ARHGEF10: variants seen among roughly 807,000 people sequenced by gnomAD.
ARHGEF10 encodes the protein Rho guanine nucleotide exchange factor 10, also known as Rho guanine nucleotide exchange factor (GEF) 10.
A neutral mutation model predicts 147.4 loss-of-function variants in ARHGEF10; 140 were observed. The observed-to-expected ratio is 0.95, with a 90% CI of 0.83 to 1.09. The LOEUF (loss-of-function observed/expected upper bound fraction) is 1.09. Among genes scored for constraint, ARHGEF10 ranks in the 50% least tolerant of loss-of-function variants. ARHGEF10 has a pLI of 0.00. For synonymous variants in ARHGEF10, 902 were observed against 695.8 expected (o/e 1.30, Z -4.67); for missense variants, 2,222 against 1,752.7 (o/e 1.27, Z -4.78).
chr8:1,881,855 G>C (rs140791979), intron 9 of ARHGEF10, among the ~76,000 whole-genome samples: 1 of 152,164 alleles, frequency 6.6e-6, no homozygotes, highest in Non-Finnish European at 1.5e-5. Context: ...TGGGGACATC[G>C]GTTGTCCCAT....
intron 7 of ARHGEF10, among the ~76,000 whole-genome samples, chr8:1,874,716 C>T (rs191113382): frequency 7.9e-5 from 12 of 151,438 alleles, no homozygotes; most frequent in Admixed American, 5.9e-4. Context: ...CAGACACACA[C>T]CGGGGTGTGT....
intron 26 of ARHGEF10, among the ~76,000 whole-genome samples, chr8:1,935,226 C>G (rs899973754): frequency 1.3e-5 from 2 of 152,116 alleles, no homozygotes; most frequent in Non-Finnish European, 2.9e-5. Flanking sequence ...CCACAACCCC[C>G]CATCAGCCCC....
At chr8:1,838,808 G>T (rs1563156279) in intron 1 of ARHGEF10, among the ~76,000 whole-genome samples, 3 of 152,208 alleles carry the variant, frequency 2.0e-5, no homozygotes, top group African/African-American at 4.8e-5. Context: ...AAGCTGTCTG[G>T]CGTGGATGCC....
chr8:1,850,428 A>G (rs543150600), intron 2 of ARHGEF10, among the ~76,000 whole-genome samples: 3 of 147,044 alleles, frequency 2.0e-5, no homozygotes, highest in Non-Finnish European at 3.0e-5. Context: ...GCGTGGACAC[A>G]GACGGCAAAT....
chr8:1,866,297 G>A (rs574714199), intron 5 of ARHGEF10, among the ~76,000 whole-genome samples: 19 of 152,336 alleles, frequency 1.2e-4, no homozygotes, highest in South Asian at 6.2e-4. Flanking sequence ...TGTGCCGTGC[G>A]TAGGCCAAAC....
intron 9 of ARHGEF10, among the ~76,000 whole-genome samples, chr8:1,882,431 G>A (rs1808281313): frequency 6.6e-6 from 1 of 152,180 alleles, no homozygotes; most frequent in Non-Finnish European, 1.5e-5. Context: ...GTTTCACCAT[G>A]TCCAGGAAGG....
upstream of ARHGEF10, among the ~76,000 whole-genome samples, chr8:1,823,634 C>G (rs994515455): frequency 1.3e-4 from 19 of 151,690 alleles, no homozygotes; most frequent in Middle Eastern, 3.4e-3. Context: ...GGGGAGGGCA[C>G]TCGGTCTGCC....
chr8:1,843,500 G>T, intron 2 of ARHGEF10, 64 bp downstream of exon 2: 1 of 1,256,252 alleles, frequency 8.0e-7, no homozygotes, highest in Non-Finnish European at 1.2e-6. Flanking sequence ...CAAGGACGGG[G>T]TACTTCTGGA....
At chr8:1,853,952 G>A (rs1412482827) in intron 2 of ARHGEF10, among the ~76,000 whole-genome samples, 1 of 152,236 alleles carries the variant, frequency 6.6e-6, no homozygotes, top group Non-Finnish European at 1.5e-5. Context: ...TGCACCTGCA[G>A]TCACCTGTTT....
rs779760750 is a variant in ARHGEF10, at chr8:1,948,689, GCCAGAGAGTCCTTTCCT to G, written c.3397+3050_3397+3066del. Among the ~76,000 whole-genome samples the G allele has an allele frequency of 2.6e-5, 4 of 152,196 alleles. No homozygotes were observed. The highest frequency in any genetic ancestry group is 5.9e-5 in the Non-Finnish European group (4 of 68,046). On this transcript the variant is annotated intron_variant, in intron 27 of 28. Coordinates refer to ENST00000349830, the MANE Select transcript of ARHGEF10 (RefSeq NM_014629.4). The surrounding 1 kb of genome is among the most constrained non-coding windows in gnomAD (Gnocchi z 4.9). ...TTTGTGACTCAGAGGGAATGAGCAG[GCCAGAGAGTCCTTTCCT>G]CCAGAGAGTCCTTTCATCTCATCTC... is the stretch of plus-strand genomic sequence containing the variant.
intron 1 of ARHGEF10, among the ~76,000 whole-genome samples, chr8:1,830,020 C>G (rs959271768): frequency 6.6e-6 from 1 of 152,152 alleles, no homozygotes; most frequent in Admixed American, 6.5e-5. Flanking sequence ...GTGCAGGCTC[C>G]GAAGTGCTCT....
intron 27 of ARHGEF10, among the ~76,000 whole-genome samples, chr8:1,950,642 C>T (rs1814956550): frequency 6.6e-6 from 1 of 151,920 alleles, no homozygotes; most frequent in Admixed American, 6.5e-5. Context: ...AAGCAATTCT[C>T]CTGCCTCAGC....
rs575299978 is a variant in ARHGEF10, at chr8:1,939,478, G to T, written c.3222+5536G>T. On this transcript the variant is annotated intron_variant, in intron 26 of 28. Coordinates refer to ENST00000349830, the MANE Select transcript of ARHGEF10 (RefSeq NM_014629.4). ...GTTTTGGGGGCAACACTCCCTCCAG[G>T]CCTCAGGCTGGCACAGTGAGCCGAA... 3.9e-5 allele frequency among the ~76,000 whole-genome samples: 6 copies of T among 152,324 alleles called. No individual in the cohort carries two copies. The East Asian group carries it at 9.7e-4, about 25-fold the overall frequency.
Position 1,888,182 on chromosome 8 carries a change from G to GC in ARHGEF10, c.1182+2475_1182+2476insC, listed in dbSNP as rs1808906068. Among the ~76,000 whole-genome samples the GC allele has an allele frequency of 8.9e-5, 6 of 67,726 alleles. 2 individuals are homozygous for GC. Among genetic ancestry groups the GC allele is most frequent in the African/African-American group, 6.8e-4 (6 of 8,854 alleles). The allele number at this position is 67,726 out of a possible 152,430, so 44.4% of individuals were successfully genotyped here. ...GGGTTGCGAGGAGACAGTGAGTGGG[G>GC]TGAGGGTTTGCGAGGAGACACTTAG... On this transcript the variant is annotated intron_variant, in intron 11 of 28. Transcript: ENST00000349830.
Position 1,923,489 on chromosome 8 carries a change from C to T in ARHGEF10, c.2281C>T (p.His761Tyr), listed in dbSNP as rs756901422. 2 of 1,613,928 alleles carry T rather than the reference C, an allele frequency of 1.2e-6. No individual in the cohort carries two copies. The highest frequency in any genetic ancestry group is 1.7e-6 in the Non-Finnish European group (2 of 1,180,018). ...NYQNLNQSVAHDWTSGLQRLI... is the reference protein window; with the variant it reads ...NYQNLNQSVAYDWTSGLQRLI... Reference sequence around the variant, plus strand: ...GTAGAACTTAAACCAGTCAGTAGCCCATGACTGGACATCAGGTTTACAAAG... The same window carrying T: ...GTAGAACTTAAACCAGTCAGTAGCCTATGACTGGACATCAGGTTTACAAAG... The change falls in exon 20 of 29, where the codon CAT (histidine) becomes TAT (tyrosine). Residue 761 changes from histidine to tyrosine, a missense_variant. Coordinates refer to ENST00000349830, the MANE Select transcript of ARHGEF10 (RefSeq NM_014629.4).
At chr8:1,930,346 T>C (rs1182038177) in intron 25 of ARHGEF10, among the ~76,000 whole-genome samples, 1 of 151,474 alleles carries the variant, frequency 6.6e-6, no homozygotes, top group Non-Finnish European at 1.5e-5. Context: ...CCCAGCTCAC[T>C]CCCCCATCAT....
intron 26 of ARHGEF10, among the ~76,000 whole-genome samples, 172 bp downstream of exon 26, chr8:1,934,114 T>G (rs1380723435): frequency 1.3e-5 from 2 of 152,154 alleles, no homozygotes; most frequent in African/African-American, 4.8e-5. Context: ...GTTGGAGGAC[T>G]GTTTGAGCTC....
intron 1 of ARHGEF10, among the ~76,000 whole-genome samples, chr8:1,831,912 G>A (rs1359474031): frequency 3.3e-5 from 5 of 152,200 alleles, no homozygotes; most frequent in Non-Finnish European, 5.9e-5. Flanking sequence ...TGGCCGGGTG[G>A]AGTTGGATGG....
chr8:1,923,747 T>G, intron 20 of ARHGEF10, 27 bp from the exon 21 acceptor site: 2 of 1,614,094 alleles, frequency 1.2e-6, no homozygotes, highest in Non-Finnish European at 8.5e-7. Context: ...TTTTATAAAA[T>G]GAATGCTTGT....
Sources: allele counts gnomAD v4.1 joint callset (sites outside exome capture counted in the v4.1 genomes callset), GRCh38; gene constraint gnomAD v4.1.1; non-coding constraint Gnocchi (gnomAD v3.1); transcripts MANE v1.5; gene names NCBI Gene and HGNC (gene_info 2026-07-23, HGNC 2026-07-21).